The following WNK1 variants were observed in gnomAD, a reference collection of about 807,000 sequenced individuals.
WNK1 encodes WNK lysine deficient protein kinase 1, also known as serine/threonine-protein kinase WNK1.
In WNK1, 38 loss-of-function variants were observed where a neutral mutation model predicts 222.8. That is an observed-to-expected ratio of 0.17 (90% CI 0.13 to 0.22). The LOEUF (loss-of-function observed/expected upper bound fraction) is 0.22, where lower values mean the gene tolerates loss of function less well. Ranked by LOEUF, WNK1 falls within the 10% of genes least tolerant of loss-of-function variation. WNK1 has a pLI of 1.00. For synonymous variants in WNK1, 1,090 were observed against 1,092.9 expected, an observed-to-expected ratio of 1.00 and a Z score of 0.05; for missense variants, 2,348 against 2,918.4, an observed-to-expected ratio of 0.80 and a Z score of 4.50.
In WNK1 at chr12:884,348, A is replaced by G; in HGVS notation, c.3844+105A>G. 1 of 1,528,890 alleles carries G rather than the reference A, an allele frequency of 6.5e-7. No homozygotes were observed. Among genetic ancestry groups the G allele is most frequent in the South Asian group, 1.2e-5 (1 of 86,606 alleles). The allele number at this position is 1,528,890 out of a possible 1,614,324, so 94.7% of individuals were successfully genotyped here. On this transcript the variant is annotated intron_variant, in intron 18 of 27. Transcript: ENST00000315939. This position sits in a 1 kb window ranked among gnomAD's most constrained non-coding sequence, Gnocchi z 5.6. ...AATTTATGATGACACAGATAATAAA[A>G]AAGAATAGAAAACTGAAGTTATAAC...
At chr12:904,550 G>A (rs934253866) in intron 26 of WNK1, 22 of 1,226,694 alleles carry the variant, frequency 1.8e-5, no homozygotes, top group Admixed American at 2.3e-5. Context: ...TTAACCATGA[G>A]TTCTTTCAAC....
chr12:803,494 A>G (rs772001372), intron 1 of WNK1, among the ~76,000 whole-genome samples: 2 of 152,214 alleles, frequency 1.3e-5, no homozygotes, highest in Non-Finnish European at 2.9e-5. Flanking sequence ...TCTAAAAGAA[A>G]TATGGCGGCT....
At chr12:899,143 T>C (rs34747192) in intron 25 of WNK1, among the ~76,000 whole-genome samples, 15,760 of 152,248 alleles carry the variant, frequency 0.1, 945 homozygotes, top group South Asian at 0.17. Flanking sequence ...GGTTAAAATA[T>C]GTTAAAAAGC....
At chr12:903,464 G>A (rs1307660775) in intron 26 of WNK1, among the ~76,000 whole-genome samples, 1 of 152,118 alleles carries the variant, frequency 6.6e-6, no homozygotes, top group Admixed American at 6.5e-5. Context: ...GAAGTAGAAT[G>A]TGACATGTCA....
chr12:883,876 C>T (rs376090701), intron 17 of WNK1, 45 bp downstream of exon 17: 117 of 1,605,096 alleles, frequency 7.3e-5, no homozygotes, highest in Admixed American at 2.7e-4. Context: ...ACTTAAGAAG[C>T]CATTAGCCGA....
chr12:774,567 T>C (rs994668243), intron 1 of WNK1, among the ~76,000 whole-genome samples: 9 of 152,240 alleles, frequency 5.9e-5, no homozygotes, highest in African/African-American at 2.2e-4. Flanking sequence ...TTTCACTGTT[T>C]AGAACTATTT....
At chr12:813,862 T>A in intron 2 of WNK1, 48 bp downstream of exon 2, 1 of 1,569,988 alleles carries the variant, frequency 6.4e-7, no homozygotes, top group Non-Finnish European at 8.7e-7. Context: ...ATGAGAGAAT[T>A]TGATTTTTTA....
chr12:838,898 C>A (rs1032352428), intron 4 of WNK1, among the ~76,000 whole-genome samples: 21 of 152,120 alleles, frequency 1.4e-4, no homozygotes, highest in Admixed American at 1.2e-3. Context: ...CATAACAATT[C>A]ATGGGTTCAT....
chr12:798,994 T>C (rs772018461), intron 1 of WNK1, among the ~76,000 whole-genome samples: 5 of 152,214 alleles, frequency 3.3e-5, no homozygotes, highest in Non-Finnish European at 7.3e-5. Flanking sequence ...CATTTTTCCC[T>C]ATTCTCTTTT....
intron 4 of WNK1, chr12:851,687 T>C (rs1246805527): frequency 7.5e-7 from 1 of 1,325,410 alleles, no homozygotes; most frequent in Non-Finnish European, 9.9e-7. Flanking sequence ...TGTTTTGCCT[T>C]TTCTGATGGA....
At chr12:803,899 CCA>C (rs1946108962) in intron 1 of WNK1, among the ~76,000 whole-genome samples, 1 of 152,098 alleles carries the variant, frequency 6.6e-6, no homozygotes, top group African/African-American at 2.4e-5. Flanking sequence ...TAAAACCAAT[CCA>C]TTGAGTGAAA....
intron 1 of WNK1, among the ~76,000 whole-genome samples, chr12:754,872 C>T (rs1939754987): frequency 6.6e-6 from 1 of 152,158 alleles, no homozygotes; most frequent in African/African-American, 2.4e-5. Flanking sequence ...GTTGTTCTAC[C>T]TAATGATGCT....
intron 1 of WNK1, among the ~76,000 whole-genome samples, chr12:757,011 A>G (rs1940145324): frequency 6.6e-6 from 1 of 152,202 alleles, no homozygotes; most frequent in Non-Finnish European, 1.5e-5. Flanking sequence ...TTAGGATCTA[A>G]TAATTTGGGA....
At chr12:804,145 C>G (rs935186026) in intron 1 of WNK1, among the ~76,000 whole-genome samples, 4 of 152,188 alleles carry the variant, frequency 2.6e-5, no homozygotes, top group African/African-American at 9.7e-5. Context: ...CTTCGAAGCT[C>G]TCAGTGTACT....
rs754908616 is a variant in WNK1, at chr12:880,871, G to A, written c.2983G>A (p.Val995Met). 6.2e-7 allele frequency: 1 copy of A among 1,614,140 alleles called. No homozygotes were observed. The highest frequency in any genetic ancestry group is 1.7e-5 in the Admixed American group (1 of 60,018). The part of the protein sequence containing the change: ...LATPGYFPTV[V>M]QPYVESNLLV... ...TACACCTGGGTACTTTCCCACAGTG[G>A]TGCAGCCTTATGTGGAATCAAATCT... The change falls in exon 12 of 28, where the codon GTG becomes ATG. Residue 995 changes from valine to methionine, a missense_variant. Physicochemically the swap from Val to Met is conservative, Grantham distance 21. This residue lies in a region of WNK1 where 547 missense variants were observed against 558.3 expected (regional missense o/e 0.98). Transcript: ENST00000315939.
chr12:896,162 C>G lies in WNK1; in HGVS notation c.5675C>G (p.Ser1892Cys). The G allele has an allele frequency of 1.2e-6, 2 of 1,614,138 alleles. No individual in the cohort carries two copies. Among genetic ancestry groups the G allele is most frequent in the East Asian group, 4.5e-5 (2 of 44,872 alleles). ...SVHFESSTSESSVLSSSSPES... is the reference protein window; with the variant it reads ...SVHFESSTSECSVLSSSSPES... ...CATTTTGAATCCAGCACCTCAGAGT[C>G]CTCAGTGCTATCAAGTAGTAGTCCA... The change falls in exon 24 of 28, where the codon TCC becomes TGC. Residue 1892 changes from serine (S) to cysteine (C), a missense_variant. Coordinates refer to ENST00000315939, the MANE Select transcript of WNK1 (RefSeq NM_018979.4).
intron 4 of WNK1, among the ~76,000 whole-genome samples, chr12:844,435 C>A (rs1248443609): frequency 6.6e-6 from 1 of 152,126 alleles, no homozygotes; most frequent in African/African-American, 2.4e-5. Context: ...CACGCCAGGC[C>A]TGGTTGTTGC....
chr12:761,697 G>A (rs1468736593), intron 1 of WNK1, among the ~76,000 whole-genome samples: 1 of 147,710 alleles, frequency 6.8e-6, no homozygotes, highest in Non-Finnish European at 1.5e-5. Flanking sequence ...CTTGGGATAA[G>A]ATCATTTTCA....
At chr12:766,719 C>T (rs185492444) in intron 1 of WNK1, among the ~76,000 whole-genome samples, 96 of 151,838 alleles carry the variant, frequency 6.3e-4, no homozygotes, top group Admixed American at 1.0e-3. Flanking sequence ...CCTCATGATC[C>T]GCCTGCCTTG....
Sources: allele counts gnomAD v4.1 joint callset (sites outside exome capture counted in the v4.1 genomes callset), GRCh38; gene constraint gnomAD v4.1.1; regional missense constraint gnomAD v4.1.1; non-coding constraint Gnocchi (gnomAD v3.1); transcripts MANE v1.5; gene names NCBI Gene and HGNC (gene_info 2026-07-23, HGNC 2026-07-21).